PDE4D: variants seen among roughly 807,000 people sequenced by gnomAD.
The protein encoded by PDE4D is phosphodiesterase 4D.
PDE4D carries 24 observed loss-of-function variants against 87.4 expected under a neutral mutation model. The ratio of observed to expected loss-of-function variants is 0.27; its 90% CI spans 0.20 to 0.39. The LOEUF is 0.39. PDE4D is among the 10% of genes least tolerant of loss of function. PDE4D has a pLI of 1.00. For synonymous variants in PDE4D, 384 were observed against 383.2 expected (o/e 1.00, Z -0.02); for missense variants, 714 against 1,041.0 (o/e 0.69, Z 4.32).
At chr5:59,168,370 C>A (rs1233010938) in intron 5 of PDE4D, among the ~76,000 whole-genome samples, 6 of 152,186 alleles carry the variant, frequency 3.9e-5, no homozygotes, top group Non-Finnish European at 8.8e-5. Context: ...CTCCGAAACA[C>A]CCCATCTGCC....
At chr5:60,341,542 AG>A (rs965922045) in intron 1 of PDE4D, among the ~76,000 whole-genome samples, 1 of 152,212 alleles carries the variant, frequency 6.6e-6, no homozygotes, top group African/African-American at 2.4e-5. Context: ...TCTGAATATC[AG>A]GATTAAAATT....
chr5:59,852,155 G>A (rs1744767915), intron 1 of PDE4D, among the ~76,000 whole-genome samples: 1 of 152,004 alleles, frequency 6.6e-6, no homozygotes, highest in Admixed American at 6.6e-5. Flanking sequence ...TGAGATGGAA[G>A]TAAATCACTG....
intron 1 of PDE4D, among the ~76,000 whole-genome samples, chr5:59,704,973 G>A (rs1421981858): frequency 5.3e-5 from 8 of 152,122 alleles, no homozygotes; most frequent in Admixed American, 1.3e-4. Flanking sequence ...ATTAGTCAAA[G>A]CTGTTTAAAA....
chr5:59,826,860 T>G (rs2152693287), intron 1 of PDE4D, among the ~76,000 whole-genome samples: 1 of 152,262 alleles, frequency 6.6e-6, no homozygotes, highest in African/African-American at 2.4e-5. Flanking sequence ...ATTATTTGAA[T>G]AATCTGACTA....
intron 1 of PDE4D, among the ~76,000 whole-genome samples, chr5:59,700,172 G>T (rs930640251): frequency 2.0e-5 from 3 of 152,190 alleles, no homozygotes; most frequent in East Asian, 1.9e-4. Context: ...ATTCAGAACT[G>T]CAGGGCTGTG....
chr5:60,469,578 G>A (rs1002758566), intron 1 of PDE4D, among the ~76,000 whole-genome samples: 6 of 152,208 alleles, frequency 3.9e-5, no homozygotes, highest in African/African-American at 1.4e-4. Flanking sequence ...CCCTGGTTGA[G>A]CAAGTCTATC....
At chr5:59,245,913 G>A (rs1003657306) in intron 1 of PDE4D, among the ~76,000 whole-genome samples, 4 of 151,888 alleles carry the variant, frequency 2.6e-5, no homozygotes, top group African/African-American at 9.7e-5. Context: ...GATATTTCAG[G>A]TCTCTCAAAA....
intron 3 of PDE4D, among the ~76,000 whole-genome samples, chr5:59,933,521 C>T (rs1390554502): frequency 5.9e-5 from 9 of 152,136 alleles, no homozygotes; most frequent in Admixed American, 5.9e-4. Context: ...CTACTATGTG[C>T]CAAGACTCTA....
At chr5:59,999,798 G>A (rs773348067) in intron 2 of PDE4D, among the ~76,000 whole-genome samples, 3 of 151,852 alleles carry the variant, frequency 2.0e-5, no homozygotes, top group Non-Finnish European at 4.4e-5. Context: ...TAATATTAAA[G>A]AAGTTCAATG....
chr5:59,890,028 C>G (rs1332677712), intron 1 of PDE4D, among the ~76,000 whole-genome samples: 1 of 152,198 alleles, frequency 6.6e-6, no homozygotes, highest in Non-Finnish European at 1.5e-5. Context: ...CAAGATTCCT[C>G]TTTCCCATTG....
intron 1 of PDE4D, among the ~76,000 whole-genome samples, chr5:60,424,595 T>C (rs1384168936): frequency 6.6e-6 from 1 of 152,162 alleles, no homozygotes; most frequent in East Asian, 1.9e-4. Context: ...GGGCAAAAAC[T>C]AGAAGCATTC....
intron 1 of PDE4D, among the ~76,000 whole-genome samples, chr5:59,223,613 T>C (rs1193660432): frequency 2.0e-5 from 3 of 152,124 alleles, no homozygotes; most frequent in African/African-American, 7.2e-5. Context: ...ATGAAGCTCG[T>C]TTCTAATCAA....
chr5:59,882,710 T>C (rs1191437395), intron 1 of PDE4D, among the ~76,000 whole-genome samples: 2 of 151,838 alleles, frequency 1.3e-5, no homozygotes, highest in Admixed American at 6.6e-5. Flanking sequence ...ATCGAGACAA[T>C]GGGGTGTTCA....
intron 1 of PDE4D, among the ~76,000 whole-genome samples, chr5:59,735,565 T>TA (rs1274317921): frequency 3.3e-5 from 5 of 152,216 alleles, no homozygotes; most frequent in Non-Finnish European, 7.3e-5. Flanking sequence ...ACACTGAGAT[T>TA]ACATATCTTG....
chr5:59,127,629 C>A (rs1434181698), intron 5 of PDE4D, among the ~76,000 whole-genome samples: 51 of 142,822 alleles, frequency 3.6e-4, no homozygotes, highest in Admixed American at 3.2e-3. Context: ...CACCTCACCC[C>A]CCACACTCCA....
chr5:59,893,641 G>C lies in PDE4D; in HGVS notation c.-19C>G. ...CCTCCATCCTGGCTCGCGGCTCCGC[G>C]ACCTGCTGCCCAGCCCGGGTTCACC... On this transcript the variant is annotated 5_prime_UTR_variant, in exon 1 of 15. Coordinates refer to ENST00000340635, the MANE Select transcript of PDE4D (RefSeq NM_001104631.2). 1 of 1,473,794 alleles carries C rather than the reference G, an allele frequency of 6.8e-7. No homozygotes were observed. The highest frequency in any genetic ancestry group is 8.9e-7 in the Non-Finnish European group (1 of 1,118,504). 91.3% of individuals were successfully genotyped at this position (1,473,794 alleles called of 1,614,324 possible).
chr5:59,529,498 G>T (rs1213315505), intron 1 of PDE4D, among the ~76,000 whole-genome samples: 1 of 152,062 alleles, frequency 6.6e-6, no homozygotes, highest in Non-Finnish European at 1.5e-5. Flanking sequence ...GCAGCAATAG[G>T]GGCACAAGCA....
At chr5:60,334,523 G>T (rs1757575964) in intron 1 of PDE4D, among the ~76,000 whole-genome samples, 2 of 152,194 alleles carry the variant, frequency 1.3e-5, no homozygotes, top group South Asian at 2.1e-4. Context: ...GTCATCTCCT[G>T]CTCTGACTTC....
At chr5:60,403,326 T>C (rs1365946653) in intron 1 of PDE4D, among the ~76,000 whole-genome samples, 2 of 152,152 alleles carry the variant, frequency 1.3e-5, no homozygotes, top group South Asian at 2.1e-4. Context: ...ATGTTTGAGG[T>C]TGAATAAGAG....
Sources: gnomAD v4.1 joint callset for allele counts (sites outside exome capture counted in the v4.1 genomes callset) on GRCh38, gnomAD v4.1.1 for gene constraint, MANE v1.5 for transcripts, NCBI Gene and HGNC (gene_info 2026-07-23, HGNC 2026-07-21) for gene names.